KANK1: variants seen among roughly 807,000 people sequenced by gnomAD.
KANK1 encodes the protein KN motif and ankyrin repeat domain-containing protein 1.
A neutral mutation model predicts 106.2 loss-of-function variants in KANK1; 109 were observed. The ratio of observed to expected loss-of-function variants is 1.03; its 90% CI spans 0.88 to 1.20. The LOEUF (loss-of-function observed/expected upper bound fraction) is 1.20, where lower values mean the gene tolerates loss of function less well. Among genes scored for constraint, KANK1 ranks in the 50% most tolerant of loss-of-function variants. The pLI is 0.00. For missense variants in KANK1, 2,399 were observed against 1,710.7 expected (o/e 1.40, Z -7.10); for synonymous variants, 873 against 652.2 (o/e 1.34, Z -5.16).
chr9:685,572 C>G (rs1818385338), intron 2 of KANK1: 1 of 152,186 alleles, frequency 6.6e-6, no homozygotes, highest in African/African-American at 2.4e-5. Context: ...TCCCTCCCAA[C>G]TGGATCAGAG....
chr9:671,623 A>AAAAAAAAAAAAAAAAAAAAAAAAGAAG (rs79437342), intron 1 of KANK1, among the ~76,000 whole-genome samples: 7 of 103,612 alleles, frequency 6.8e-5, no homozygotes, highest in Admixed American at 2.4e-4. Flanking sequence ...CTCAAAAAAA[A>AAAAAAAAAAAAAAAAAAAAAAAAGAAG]AAAAGAGTGT....
chr9:512,858 C>G (rs371611144), intron 1 of KANK1, among the ~76,000 whole-genome samples: 1 of 152,236 alleles, frequency 6.6e-6, no homozygotes, highest in African/African-American at 2.4e-5. Flanking sequence ...TTCCTCTTCT[C>G]TCTGCCTCCT....
intron 3 of KANK1, among the ~76,000 whole-genome samples, chr9:720,363 G>A (rs1385489490): frequency 6.6e-6 from 1 of 150,516 alleles, no homozygotes; most frequent in East Asian, 2.1e-4. Flanking sequence ...TTGTTTTGTT[G>A]AGACAAGGTC....
In KANK1 at chr9:616,654, G is replaced by T. The variant is rs981726575; in HGVS notation, c.-83-60236G>T. Among the ~76,000 whole-genome samples, 38 of 152,072 alleles carry T rather than the reference G, an allele frequency of 2.5e-4. 1 individual carries two copies. The highest frequency in any genetic ancestry group is 8.9e-4 in the African/African-American group (37 of 41,398). On this transcript the variant is annotated intron_variant, in intron 1 of 11. Transcript: ENST00000382297. ...TATCAATCAAGATAGTAATTATTCT[G>T]CAAGACCCCAAATCTCAGTGGCTTT...
At chr9:662,359 G>T (rs557521897) in intron 1 of KANK1, among the ~76,000 whole-genome samples, 4 of 152,084 alleles carry the variant, frequency 2.6e-5, no homozygotes, top group Admixed American at 1.3e-4. Flanking sequence ...AAAAGAGCCC[G>T]CATTGCCAAG....
At chr9:721,490 A>G (rs963443806) in intron 3 of KANK1, among the ~76,000 whole-genome samples, 1 of 152,232 alleles carries the variant, frequency 6.6e-6, no homozygotes. Flanking sequence ...AAGCATAATA[A>G]GACTAAAACT....
chr9:742,481 C>A (rs1460546892), intron 10 of KANK1, 76 bp downstream of exon 10: 2 of 1,109,438 alleles, frequency 1.8e-6, no homozygotes, highest in African/African-American at 3.1e-5. Flanking sequence ...TGCCTTTTGG[C>A]CAGGAGCGAC....
intron 1 of KANK1, among the ~76,000 whole-genome samples, chr9:640,227 GCA>G (rs1161368583): frequency 1.3e-5 from 2 of 151,980 alleles, no homozygotes; most frequent in Non-Finnish European, 2.9e-5. Flanking sequence ...TTTTTGGGGG[GCA>G]CACATCATTT....
intron 1 of KANK1, among the ~76,000 whole-genome samples, chr9:656,398 A>T (rs1588628353): frequency 1.3e-5 from 2 of 152,172 alleles, no homozygotes; most frequent in East Asian, 3.9e-4. Context: ...ATTAGAGGCT[A>T]TGAAAGTGTC....
intron 2 of KANK1, chr9:677,427 G>C (rs1465833581): frequency 6.3e-6 from 1 of 159,420 alleles, no homozygotes; most frequent in African/African-American, 2.4e-5. Flanking sequence ...AGAGAAAGGA[G>C]GGAAGAGAAG....
intron 1 of KANK1, among the ~76,000 whole-genome samples, chr9:634,015 G>T (rs964751687): frequency 6.6e-6 from 1 of 152,168 alleles, no homozygotes; most frequent in African/African-American, 2.4e-5. Context: ...GGTAAGAAAG[G>T]TTTATCTTTT....
chr9:711,367 G>A lies in KANK1; in HGVS notation c.601G>A (p.Gly201Ser). ...CACAAGCTCCCTCCCTTCTTTTGTG[G>A]GTTCTGGAAACCACAATCCTGCCAA... The part of the protein sequence containing the change: ...GTTSSLPSFV[G>S]SGNHNPAKHQ... Residue 201 changes from glycine to serine, a missense_variant, in exon 3 of 12, where the codon GGT (glycine) becomes AGT (serine). Coordinates refer to ENST00000382297, the MANE Select transcript of KANK1 (RefSeq NM_015158.5). 6.2e-7 allele frequency: 1 copy of A among 1,614,126 alleles called. No homozygotes were observed. Among genetic ancestry groups the A allele is most frequent in the East Asian group, 2.2e-5 (1 of 44,878 alleles).
intron 1 of KANK1, among the ~76,000 whole-genome samples, chr9:536,506 C>G (rs1259844023): frequency 6.6e-6 from 1 of 152,118 alleles, no homozygotes; most frequent in Non-Finnish European, 1.5e-5. Flanking sequence ...TAGAGGTTGC[C>G]TGTATTCCTT....
At chr9:734,567 G>A (rs1833240967) in intron 6 of KANK1, 181 bp from the exon 7 acceptor site, 3 of 484,976 alleles carry the variant, frequency 6.2e-6, no homozygotes, top group Admixed American at 3.2e-5. Context: ...TAGGGAGGCT[G>A]AGGCAGGAGG....
At chr9:726,010 A>G (rs1830546112) in intron 3 of KANK1, among the ~76,000 whole-genome samples, 1 of 152,264 alleles carries the variant, frequency 6.6e-6, no homozygotes, top group Non-Finnish European at 1.5e-5. Context: ...GTGACTCTTT[A>G]GCCTTAGCAA....
chr9:481,617 G>A (rs546909478), intron 3 of KANK1, among the ~76,000 whole-genome samples: 33 of 152,334 alleles, frequency 2.2e-4, no homozygotes, highest in African/African-American at 7.9e-4. Context: ...AAAAGCTCAT[G>A]ACGGCTCATT....
At chr9:679,450 T>C (rs1266041392) in intron 2 of KANK1, among the ~76,000 whole-genome samples, 1 of 152,224 alleles carries the variant, frequency 6.6e-6, no homozygotes, top group Non-Finnish European at 1.5e-5. Context: ...AGTCTTGCTC[T>C]GTCACCCAGG....
chr9:592,225 A>T (rs959879620), intron 1 of KANK1, among the ~76,000 whole-genome samples: 2 of 151,830 alleles, frequency 1.3e-5, no homozygotes, highest in Non-Finnish European at 2.9e-5. Context: ...CAAAGGTTAG[A>T]TAATAAGGGG....
chr9:514,412 C>G (rs62531462), intron 1 of KANK1, among the ~76,000 whole-genome samples: 1 of 150,216 alleles, frequency 6.7e-6, no homozygotes, highest in Non-Finnish European at 1.5e-5. Context: ...TCCCTCATCT[C>G]CTTTACCCAA....
Sources: allele counts gnomAD v4.1 joint callset (sites outside exome capture counted in the v4.1 genomes callset), GRCh38; gene constraint gnomAD v4.1.1; transcripts MANE v1.5; gene names NCBI Gene and HGNC (gene_info 2026-07-23, HGNC 2026-07-21).